Variants in FOXP2 observed in about 807,000 individuals in gnomAD.
FOXP2 encodes the protein forkhead box P2, also known as forkhead box protein P2.
In FOXP2, 12 loss-of-function variants were observed where a neutral mutation model predicts 115.8. That is an observed-to-expected ratio of 0.10 (90% CI 0.07 to 0.17). FOXP2 has a LOEUF of 0.17. Among genes scored for constraint, FOXP2 ranks in the 10% least tolerant of loss-of-function variants. The pLI, the probability that FOXP2 is intolerant of heterozygous loss-of-function variation, is 1.00. For missense variants in FOXP2, 629 were observed against 843.5 expected (o/e 0.75, Z 3.15); for synonymous variants, 328 against 297.7 (o/e 1.10, Z -1.05).
At chr7:114,588,169 G>A (rs111702708) in intron 3 of FOXP2, among the ~76,000 whole-genome samples, 2,515 of 151,844 alleles carry the variant, frequency 0.017, 75 homozygotes, top group African/African-American at 0.058. Flanking sequence ...AATTAGCCAA[G>A]GATGATGGTG....
At chr7:114,580,803 C>T (rs1184157595) in intron 3 of FOXP2, among the ~76,000 whole-genome samples, 1 of 152,004 alleles carries the variant, frequency 6.6e-6, no homozygotes. Flanking sequence ...AAGTGACAAT[C>T]GGTTTTGTTT....
At chr7:114,453,217 A>G (rs1795144313) in intron 2 of FOXP2, among the ~76,000 whole-genome samples, 1 of 152,114 alleles carries the variant, frequency 6.6e-6, no homozygotes. Context: ...TAAATTGCAT[A>G]TAAATTAAGA....
intron 1 of FOXP2, among the ~76,000 whole-genome samples, chr7:114,282,350 T>A (rs993320216): frequency 2.0e-5 from 3 of 152,200 alleles, no homozygotes; most frequent in African/African-American, 7.2e-5. Flanking sequence ...CCAAAATTTA[T>A]GACCTCAATA....
chr7:114,446,236 T>C (rs1281019757), intron 2 of FOXP2, among the ~76,000 whole-genome samples: 1 of 152,090 alleles, frequency 6.6e-6, no homozygotes, highest in Non-Finnish European at 1.5e-5. Context: ...AGTTTAGGAA[T>C]GTCGTTATAT....
intron 1 of FOXP2, among the ~76,000 whole-genome samples, chr7:114,272,131 C>G (rs1047446917): frequency 1.4e-4 from 21 of 148,094 alleles, no homozygotes; most frequent in African/African-American, 4.7e-4. Context: ...AAATGCTTTT[C>G]TGCATCTATT....
intron 2 of FOXP2, among the ~76,000 whole-genome samples, chr7:114,384,176 G>T (rs114327314): frequency 3.9e-5 from 6 of 152,216 alleles, no homozygotes; most frequent in Admixed American, 3.3e-4. Flanking sequence ...CAAAGAAAGC[G>T]GTCCGGGCTG....
intron 7 of FOXP2, among the ~76,000 whole-genome samples, chr7:114,643,290 G>A (rs1410711034): frequency 6.6e-6 from 1 of 152,032 alleles, no homozygotes; most frequent in East Asian, 1.9e-4. Flanking sequence ...CTAAAAATCA[G>A]TTCTTTAATT....
At chr7:114,134,022 T>TA (rs1791960402) in intron 1 of FOXP2, among the ~76,000 whole-genome samples, 2 of 152,114 alleles carry the variant, frequency 1.3e-5, no homozygotes, top group Admixed American at 1.3e-4. Context: ...GATTGAGAAA[T>TA]ATGGCAAGTG....
chr7:114,518,485 GC>G (rs1341494309), intron 2 of FOXP2, among the ~76,000 whole-genome samples: 1 of 151,844 alleles, frequency 6.6e-6, no homozygotes, highest in Non-Finnish European at 1.5e-5. Context: ...AACAGTAACA[GC>G]CCTTTGACCC....
chr7:114,333,713 C>T (rs1276665538), intron 2 of FOXP2, among the ~76,000 whole-genome samples: 4 of 152,010 alleles, frequency 2.6e-5, no homozygotes, highest in African/African-American at 9.7e-5. Flanking sequence ...ATGGTGAAAC[C>T]CCCGTCTCTA....
intron 1 of FOXP2, among the ~76,000 whole-genome samples, chr7:114,130,443 G>C (rs544710800): frequency 6.6e-6 from 1 of 152,158 alleles, no homozygotes; most frequent in African/African-American, 2.4e-5. Context: ...CTCATTATTT[G>C]TGTAGGTTTT....
chr7:114,211,449 G>T (rs1794346850), intron 1 of FOXP2, among the ~76,000 whole-genome samples: 1 of 152,170 alleles, frequency 6.6e-6, no homozygotes, highest in Non-Finnish European at 1.5e-5. Flanking sequence ...TGAGGGTGGG[G>T]GTTCCTTTGG....
At chr7:114,390,522 G>GTATTTATTTATTTATT (rs6150298) in intron 2 of FOXP2, among the ~76,000 whole-genome samples, 8,903 of 148,302 alleles carry the variant, frequency 0.06, 303 homozygotes, top group Middle Eastern at 0.14. Context: ...TTTTATTTAT[G>GTATTTATTTATTTATT]TATTTATTTA....
At chr7:114,401,819 C>A (rs939016204) in intron 2 of FOXP2, among the ~76,000 whole-genome samples, 6 of 152,096 alleles carry the variant, frequency 3.9e-5, no homozygotes, top group Non-Finnish European at 5.9e-5. Flanking sequence ...AAAGTAAAAG[C>A]ATACTAAAAA....
chr7:114,090,453 A>C (rs1437404743), intron 1 of FOXP2, among the ~76,000 whole-genome samples: 2 of 151,892 alleles, frequency 1.3e-5, no homozygotes, highest in African/African-American at 4.8e-5. Flanking sequence ...CCTGTATCTT[A>C]AAATTGGCCT....
chr7:114,279,552 T>C lies in FOXP2; in HGVS notation c.-101-8467T>C, dbSNP rs539784894. ...TTTGACAAGAGATGGATAGAGCATC[T>C]CTAGCAGCAGGAAAGTGGCTGCATA... On this transcript the variant is annotated intron_variant, in intron 1 of 17. Coordinates refer to the FOXP2 transcript ENST00000634411. Among the ~76,000 whole-genome samples, 640 of 152,284 alleles carry C rather than the reference T, an allele frequency of 4.2e-3. 5 individuals carry two copies. The highest frequency in any genetic ancestry group is 0.015 in the African/African-American group (623 of 41,572).
chr7:114,137,506 G>T lies in FOXP2; in HGVS notation c.-246-25438G>T, dbSNP rs1053650319. On this transcript the variant is annotated intron_variant, in intron 1 of 19. Transcript: ENST00000635638. ...GTGCTCAGGAGAACCAATAATTGAT[G>T]AGTGCTTTTGGTATCACTGTAGGAC... 1.8e-4 allele frequency among the ~76,000 whole-genome samples: 28 copies of T among 152,094 alleles called. 1 individual carries two copies. Among genetic ancestry groups the T allele is most frequent in the African/African-American group, 6.0e-4 (25 of 41,446 alleles).
chr7:114,238,636 G>A (rs1033912840), intron 1 of FOXP2, among the ~76,000 whole-genome samples: 1 of 152,038 alleles, frequency 6.6e-6, no homozygotes, highest in African/African-American at 2.4e-5. Context: ...GCTGGGCATG[G>A]TGGTTCGTGC....
At chr7:114,306,697 G>A (rs1400550580) in intron 2 of FOXP2, among the ~76,000 whole-genome samples, 1 of 152,136 alleles carries the variant, frequency 6.6e-6, no homozygotes. Context: ...GAAGTCAGAA[G>A]TATGACATAG....
Sources: gnomAD v4.1 joint callset for allele counts (sites outside exome capture counted in the v4.1 genomes callset) on GRCh38, gnomAD v4.1.1 for gene constraint, MANE v1.5 for transcripts, NCBI Gene and HGNC (gene_info 2026-07-23, HGNC 2026-07-21) for gene names.